BEND7: variants seen among roughly 807,000 people sequenced by gnomAD.
The protein encoded by BEND7 is BEN domain containing 7, also known as BEN domain-containing protein 7.
BEND7 carries 28 observed loss-of-function variants against 50.9 expected under a neutral mutation model. The observed-to-expected ratio is 0.55, with a 90% confidence interval of 0.41 to 0.75. BEND7 has a LOEUF of 0.75. Ranked by LOEUF, BEND7 falls within the 30% of genes least tolerant of loss-of-function variation. The pLI, the probability that BEND7 is intolerant of heterozygous loss-of-function variation, is 0.00. For synonymous variants in BEND7, 170 were observed against 183.9 expected (o/e 0.92, Z 0.61); for missense variants, 477 against 491.3 (o/e 0.97, Z 0.28).
chr10:13,492,924 A>T, intron 4 of BEND7, 48 bp from the exon 5 acceptor site: 2 of 1,570,114 alleles, frequency 1.3e-6, no homozygotes, highest in Non-Finnish European at 1.7e-6. Flanking sequence ...TGTCTGACTT[A>T]GGAAAACTTA....
Position 13,496,855 on chromosome 10 carries a change from G to T in BEND7, c.482C>A (p.Ser161Ter). The change falls in exon 4 of 9, where the codon TCA (serine) becomes TAA (stop). Residue 161 changes from serine (S) to a stop codon, truncating the protein, a stop_gained. Transcript: ENST00000466271. LOFTEE classifies it high-confidence loss of function. ...CTGGCAGTTACAAGTACAGCAGTTT[G>T]ATCCAGCTGATGAATTCACCACTGG... ...ELPVVNSSAG[S>*]NCCTCNCQST... 5 of 1,597,480 alleles carry T rather than the reference G, an allele frequency of 3.1e-6. No homozygotes were observed. Among genetic ancestry groups the T allele is most frequent in the Non-Finnish European group, 4.3e-6 (5 of 1,172,862 alleles).
chr10:13,481,714 G>A (rs1183071975), intron 5 of BEND7, among the ~76,000 whole-genome samples: 2 of 152,182 alleles, frequency 1.3e-5, no homozygotes, highest in East Asian at 1.9e-4. Flanking sequence ...TAAAAACGAT[G>A]AGCAGGTTTC....
chr10:13,451,248 G>A (rs1290029900), intron 7 of BEND7, among the ~76,000 whole-genome samples: 1 of 151,556 alleles, frequency 6.6e-6, no homozygotes, highest in East Asian at 1.9e-4. Flanking sequence ...GTAGTGCAGT[G>A]GCCAGTCGTC....
At chr10:13,503,067 A>G (rs1439251700) in intron 2 of BEND7, 3 of 268,092 alleles carry the variant, frequency 1.1e-5, no homozygotes, top group African/African-American at 4.6e-5. Flanking sequence ...CCTCAGTTTC[A>G]GAGTTCCAGA....
downstream of BEND7, chr10:13,439,455 G>T (rs1835070941): frequency 6.2e-7 from 1 of 1,613,586 alleles, no homozygotes; most frequent in Non-Finnish European, 8.5e-7. Flanking sequence ...GGTCACCGCT[G>T]CACTCCCACC....
chr10:13,481,453 G>C (rs1199885032), intron 5 of BEND7, among the ~76,000 whole-genome samples: 2 of 151,958 alleles, frequency 1.3e-5, no homozygotes, highest in Non-Finnish European at 2.9e-5. Flanking sequence ...TCCTCATTTT[G>C]TAAACAAAGG....
chr10:13,486,872 G>A (rs1418094561), intron 5 of BEND7, among the ~76,000 whole-genome samples: 1 of 152,058 alleles, frequency 6.6e-6, no homozygotes, highest in African/African-American at 2.4e-5. Flanking sequence ...AAAGATATTT[G>A]AGCCAAAATG....
Position 13,492,613 on chromosome 10 carries a change from C to T in BEND7, c.835G>A (p.Asp279Asn), listed in dbSNP as rs141298792. The change falls in exon 5 of 9, where the codon GAT becomes AAT. Residue 279 changes from aspartate (D) to asparagine (N), a missense_variant and splice_region_variant. Physicochemically the swap from Asp to Asn is conservative, Grantham distance 23. Around this residue, in one of 3 missense-constraint regions of BEND7, gnomAD observed 396 missense variants for 384.2 expected, o/e 1.03. Coordinates refer to ENST00000466271, the MANE Select transcript of BEND7 (RefSeq NM_001369863.1). The stretch of plus-strand genomic sequence containing the variant: ...GCAGCCAGAAAATGGCAACTTACAT[C>T]TGAGGAAGGTGATTCCAGAACAATG... ...FGIVLESPSS[D>N]PEVQLAEGFD... 1 of 1,613,540 alleles carries T rather than the reference C, an allele frequency of 6.2e-7. No homozygotes were observed. The highest frequency in any genetic ancestry group is 1.3e-5 in the African/African-American group (1 of 75,012).
intron 6 of BEND7, among the ~76,000 whole-genome samples, chr10:13,471,007 T>C (rs2074770779): frequency 6.6e-6 from 1 of 152,254 alleles, no homozygotes; most frequent in Non-Finnish European, 1.5e-5. Context: ...TTCCATTCTC[T>C]CGGCATTTGA....
intron 3 of BEND7, among the ~76,000 whole-genome samples, chr10:13,499,030 T>C (rs1478782968): frequency 6.6e-6 from 1 of 152,242 alleles, no homozygotes; most frequent in Non-Finnish European, 1.5e-5. Flanking sequence ...CTTACCTTTT[T>C]CTTGTTCTCT....
intron 8 of BEND7, 156 bp downstream of exon 8, chr10:13,447,110 G>A (rs766618546): frequency 1.9e-5 from 14 of 723,180 alleles, no homozygotes; most frequent in East Asian, 8.0e-5. Context: ...CTCTGAGTAC[G>A]GGGCCTTGAG....
intron 6 of BEND7, among the ~76,000 whole-genome samples, chr10:13,456,339 G>A (rs1472159996): frequency 6.6e-6 from 1 of 152,162 alleles, no homozygotes; most frequent in Non-Finnish European, 1.5e-5. Flanking sequence ...CCAACAGTGT[G>A]GGGCTGAAAT....
At chr10:13,448,064 A>G (rs1250298803) in intron 7 of BEND7, among the ~76,000 whole-genome samples, 1 of 152,198 alleles carries the variant, frequency 6.6e-6, no homozygotes, top group East Asian at 1.9e-4. Context: ...CTCTGGCATT[A>G]ACGTGGTCAT....
At position 13,484,023 on chromosome 10, in the gene BEND7, C is replaced by A. The variant is rs145043847; in HGVS notation, c.838-2899G>T. On this transcript the variant is annotated intron_variant, in intron 5 of 8. Transcript: ENST00000466271. Reference sequence around the variant, plus strand: ...GATGCTGTCACTGCTTTCCATTCCACTTTCTACTGCCAAATACTGTTATTT... The same window carrying A: ...GATGCTGTCACTGCTTTCCATTCCAATTTCTACTGCCAAATACTGTTATTT... Among the ~76,000 whole-genome samples, 1,260 of 152,342 alleles carry A rather than the reference C, an allele frequency of 8.3e-3. 19 individuals carry two copies. The highest frequency in any genetic ancestry group is 0.028 in the African/African-American group (1,162 of 41,570).
intron 6 of BEND7, among the ~76,000 whole-genome samples, chr10:13,455,423 T>A (rs924590315): frequency 1.3e-5 from 2 of 151,832 alleles, no homozygotes; most frequent in Non-Finnish European, 2.9e-5. Flanking sequence ...GCACGCTGCA[T>A]TGCAGAAGAG....
At chr10:13,439,284 A>C (rs755454087), downstream of BEND7, 98 of 1,614,044 alleles carry the variant, frequency 6.1e-5, no homozygotes, top group Admixed American at 1.4e-3. Context: ...AGTTATGAGG[A>C]ATGAATGGTG....
At chr10:13,487,160 G>T (rs894078054) in intron 5 of BEND7, among the ~76,000 whole-genome samples, 2 of 152,176 alleles carry the variant, frequency 1.3e-5, no homozygotes, top group East Asian at 3.9e-4. Flanking sequence ...CATGCCCTAG[G>T]CTAACACATA....
At chr10:13,493,674 TAAAG>T (rs1256302627) in intron 4 of BEND7, among the ~76,000 whole-genome samples, 1 of 152,190 alleles carries the variant, frequency 6.6e-6, no homozygotes, top group Non-Finnish European at 1.5e-5. Context: ...ATTCTATACT[TAAAG>T]AAATCCAGGA....
chr10:13,476,322 A>G (rs895182532), intron 6 of BEND7, among the ~76,000 whole-genome samples: 5 of 152,158 alleles, frequency 3.3e-5, no homozygotes, highest in African/African-American at 1.2e-4. Context: ...TCCCTCCCAG[A>G]GAAGTTCTGA....
Sources: allele counts gnomAD v4.1 joint callset (sites outside exome capture counted in the v4.1 genomes callset), GRCh38; gene constraint gnomAD v4.1.1; regional missense constraint gnomAD v4.1.1; transcripts MANE v1.5; gene names NCBI Gene and HGNC (gene_info 2026-07-23, HGNC 2026-07-21).